The following NBPF3 variants were observed in gnomAD, a reference collection of about 807,000 sequenced individuals.
NBPF3 encodes NBPF family member NBPF3.
In NBPF3, 57 loss-of-function variants were observed where a neutral mutation model predicts 78.1. The ratio of observed to expected loss-of-function variants is 0.73; its 90% CI spans 0.59 to 0.91. The LOEUF (loss-of-function observed/expected upper bound fraction) is 0.91. Ranked by LOEUF, NBPF3 falls within the 40% of genes least tolerant of loss-of-function variation. NBPF3 has a pLI of 0.00. For synonymous variants in NBPF3, 182 were observed against 271.7 expected, an observed-to-expected ratio of 0.67 and a Z score of 3.25; for missense variants, 510 against 715.3, an observed-to-expected ratio of 0.71 and a Z score of 3.27.
chr1:21,447,254 G>T (rs1641041314), intron 2 of NBPF3, among the ~76,000 whole-genome samples: 1 of 152,134 alleles, frequency 6.6e-6, no homozygotes, highest in African/African-American at 2.4e-5. Context: ...AACCACTGTT[G>T]ATACATCATT....
At chr1:21,472,064 G>T (rs539159202) in intron 5 of NBPF3, among the ~76,000 whole-genome samples, 1 of 152,338 alleles carries the variant, frequency 6.6e-6, no homozygotes, top group African/African-American at 2.4e-5. Context: ...CAGGAAGGAG[G>T]CTGTGACGGG....
rs1178963994 is a variant in NBPF3, at chr1:21,460,510, C to T, written c.134-8178C>T. 6.6e-6 allele frequency among the ~76,000 whole-genome samples: 1 copy of T among 152,062 alleles called. No homozygotes were observed. The highest frequency in any genetic ancestry group is 6.6e-5 in the Admixed American group (1 of 15,248). ...CTAAATGTTTTAAAAACAAAGACAC[C>T]AATGCTCTTCATTGAGGAAATGGAA... On this transcript the variant is annotated intron_variant, in intron 2 of 14. Coordinates refer to ENST00000318249, the MANE Select transcript of NBPF3 (RefSeq NM_032264.6). The surrounding 1 kb of genome is among the most constrained non-coding windows in gnomAD (Gnocchi z 4.2).
At chr1:21,456,511 A>T (rs1395340729) in intron 2 of NBPF3, among the ~76,000 whole-genome samples, 2 of 152,118 alleles carry the variant, frequency 1.3e-5, no homozygotes, top group Non-Finnish European at 2.9e-5. Flanking sequence ...GTTTATAATT[A>T]AAAAAACTGT....
intron 2 of NBPF3, among the ~76,000 whole-genome samples, chr1:21,451,419 C>G (rs771802881): frequency 3.3e-5 from 5 of 152,206 alleles, no homozygotes; most frequent in African/African-American, 7.2e-5. Flanking sequence ...AGTGTTTATA[C>G]TATTGTACAT....
At chr1:21,464,434 G>T (rs1642136908) in intron 2 of NBPF3, among the ~76,000 whole-genome samples, 2 of 151,910 alleles carry the variant, frequency 1.3e-5, no homozygotes, top group Admixed American at 1.3e-4. Context: ...GTAGATTAGT[G>T]GTTGTCAGAG....
At chr1:21,448,316 C>A (rs1641104615) in intron 2 of NBPF3, among the ~76,000 whole-genome samples, 2 of 151,750 alleles carry the variant, frequency 1.3e-5, no homozygotes, top group South Asian at 2.1e-4. Flanking sequence ...AACATGCATA[C>A]CTGGATTTAT....
rs148261967 is a variant in NBPF3 at position 21,457,348 on chromosome 1, GTA to G, written c.134-11326_134-11325del. On this transcript the variant is annotated intron_variant, in intron 2 of 14. Coordinates refer to ENST00000318249, the MANE Select transcript of NBPF3 (RefSeq NM_032264.6). ...CAAAGGGTTTTTAGAGTGTGTGTGT[GTA>G]TATATATATATATGTATGTATATAT... 7.3e-4 allele frequency among the ~76,000 whole-genome samples: 80 copies of G among 109,622 alleles called. No individual in the cohort carries two copies. In the Middle Eastern group the frequency reaches 0.022, roughly 30 times the overall value. The allele number at this position is 109,622 out of a possible 152,430, so 71.9% of individuals were successfully genotyped here. A position where few individuals can be genotyped will look rare whatever the true frequency, so the allele number is the denominator to read the frequency against.
At chr1:21,462,535 TAA>T (rs1354890938) in intron 2 of NBPF3, among the ~76,000 whole-genome samples, 1 of 151,900 alleles carries the variant, frequency 6.6e-6, no homozygotes, top group Non-Finnish European at 1.5e-5. Flanking sequence ...AGCCTAGAAA[TAA>T]GAGGGATCCA....
chr1:21,467,882 G>A (rs1402029776), intron 2 of NBPF3, among the ~76,000 whole-genome samples: 1 of 152,154 alleles, frequency 6.6e-6, no homozygotes, highest in Non-Finnish European at 1.5e-5. Flanking sequence ...TGTCAAACTG[G>A]TCTAGAGTGT....
intron 2 of NBPF3, chr1:21,446,533 T>G (rs1282111928): frequency 2.8e-5 from 4 of 144,708 alleles, no homozygotes; most frequent in African/African-American, 1.0e-4. Flanking sequence ...ATTCTTTCCC[T>G]GCCTCCCTCC....
intron 10 of NBPF3, 131 bp from the exon 11 acceptor site, chr1:21,479,920 A>T: frequency 1.4e-6 from 1 of 722,324 alleles, no homozygotes; most frequent in Admixed American, 2.0e-5. Flanking sequence ...GAAGGCAATA[A>T]TTTGTTACCT....
intron 2 of NBPF3, chr1:21,454,039 C>G (rs991323596): frequency 6.6e-6 from 1 of 152,254 alleles, no homozygotes; most frequent in Non-Finnish European, 1.5e-5. Flanking sequence ...GCACTACTTG[C>G]ATCTCCAGCT....
At chr1:21,457,168 G>GTGTA (rs1491391692) in intron 2 of NBPF3, among the ~76,000 whole-genome samples, 1 of 5,734 alleles carries the variant, frequency 1.7e-4, no homozygotes, top group African/African-American at 1.9e-4. Context: ...GGTGGCTCAC[G>GTGTA]TGTGTGTGTG....
In NBPF3 at chr1:21,460,636, A is replaced by G. The variant is rs1641901641; in HGVS notation, c.134-8052A>G. On this transcript the variant is annotated intron_variant, in intron 2 of 14. Coordinates refer to ENST00000318249, the MANE Select transcript of NBPF3 (RefSeq NM_032264.6). The surrounding 1 kb of genome is among the most constrained non-coding windows in gnomAD (Gnocchi z 4.2). ...TACACTGAAATTAACTTAAGATGTG[A>G]AAGTTAAAATTAGAAACCTTGTAAA... Among the ~76,000 whole-genome samples the G allele has an allele frequency of 6.6e-6, 1 of 152,248 alleles. No individual in the cohort carries two copies. Among genetic ancestry groups the G allele is most frequent in the East Asian group, 1.9e-4 (1 of 5,202 alleles).
At chr1:21,462,596 A>G (rs1570012802) in intron 2 of NBPF3, among the ~76,000 whole-genome samples, 2 of 152,228 alleles carry the variant, frequency 1.3e-5, no homozygotes, top group South Asian at 2.1e-4. Flanking sequence ...AAAAAAGTAT[A>G]ATAAAAAGAG....
In NBPF3 at chr1:21,479,518, T is replaced by C. The variant is rs1000672243; in HGVS notation, c.1208+118T>C. 5.5e-6 allele frequency: 5 copies of C among 903,762 alleles called. No homozygotes were observed. The South Asian group carries it at 6.4e-5, about 12-fold the overall frequency. The allele number at this position is 903,762 out of a possible 1,614,324, so 56.0% of individuals were successfully genotyped here. ...CATCTTGTCAGACAAGTCTGAATTA[T>C]GTCTACTAACATTGCTTTTGGTTCT... On this transcript the variant is annotated intron_variant, in intron 10 of 14. Coordinates refer to ENST00000318249, the MANE Select transcript of NBPF3 (RefSeq NM_032264.6).
chr1:21,455,913 C>T (rs113233365), intron 2 of NBPF3, among the ~76,000 whole-genome samples: 12 of 152,240 alleles, frequency 7.9e-5, no homozygotes, highest in Admixed American at 2.0e-4. Flanking sequence ...CTGCCATCCA[C>T]GGTGGGAAGA....
In NBPF3 at chr1:21,476,584, T is replaced by G. The variant is rs889702005; in HGVS notation, c.993-1560T>G. ...ATTCTGGGTTGAAAATTCTTTTGTT[T>G]ATGAATGTCGAATATTGGCCTCCAC... On this transcript the variant is annotated intron_variant, in intron 8 of 14. Transcript: ENST00000318249. This position sits in a 1 kb window ranked among gnomAD's most constrained non-coding sequence, Gnocchi z 4.1. 2.6e-5 allele frequency among the ~76,000 whole-genome samples: 4 copies of G among 152,234 alleles called. No individual in the cohort carries two copies. Among genetic ancestry groups the G allele is most frequent in the African/African-American group, 9.6e-5 (4 of 41,462 alleles).
At chr1:21,458,976 G>C (rs1275481599) in intron 2 of NBPF3, among the ~76,000 whole-genome samples, 1 of 152,120 alleles carries the variant, frequency 6.6e-6, no homozygotes, top group African/African-American at 2.4e-5. Context: ...GCTAGAAAAT[G>C]AAATTCAGTA....
Sources: allele counts gnomAD v4.1 joint callset (sites outside exome capture counted in the v4.1 genomes callset), GRCh38; gene constraint gnomAD v4.1.1; non-coding constraint Gnocchi (gnomAD v3.1); transcripts MANE v1.5; gene names NCBI Gene and HGNC (gene_info 2026-07-23, HGNC 2026-07-21).